The following TBXAS1 variants were observed in gnomAD, a reference collection of about 807,000 sequenced individuals.
TBXAS1 encodes the protein thromboxane A synthase 1, also known as thromboxane-A synthase.
Under a neutral mutation model 60.7 loss-of-function variants are expected in TBXAS1, and 48 were observed. The ratio of observed to expected loss-of-function variants is 0.79; its 90% CI spans 0.63 to 1.01. The LOEUF (loss-of-function observed/expected upper bound fraction) is 1.01. Among genes scored for constraint, TBXAS1 ranks in the 50% least tolerant of loss-of-function variants. TBXAS1 has a pLI of 0.00. For missense variants in TBXAS1, 685 were observed against 686.3 expected (o/e 1.00, Z 0.02); for synonymous variants, 287 against 269.7 (o/e 1.06, Z -0.63).
intron 1 of TBXAS1, among the ~76,000 whole-genome samples, chr7:139,844,874 A>T (rs1799696670): frequency 1.3e-5 from 2 of 152,008 alleles, no homozygotes; most frequent in South Asian, 4.2e-4. Context: ...GGACAGACAC[A>T]CCTCTTTCCC....
intron 4 of TBXAS1, among the ~76,000 whole-genome samples, chr7:139,818,073 C>T (rs1798197401): frequency 6.6e-6 from 1 of 152,232 alleles, no homozygotes; most frequent in African/African-American, 2.4e-5. Flanking sequence ...TATAACTCTT[C>T]TTCTCAAAAA....
intron 1 of TBXAS1, among the ~76,000 whole-genome samples, chr7:139,845,842 T>C (rs41710): frequency 7.5e-6 from 1 of 133,480 alleles, no homozygotes; most frequent in Non-Finnish European, 1.6e-5. Flanking sequence ...TTTTTTTTTT[T>C]AGACAGGGTC....
At chr7:139,885,490 C>T (rs1394729323) in intron 3 of TBXAS1, among the ~76,000 whole-genome samples, 1 of 152,220 alleles carries the variant, frequency 6.6e-6, no homozygotes. Flanking sequence ...CCAGAAAGCA[C>T]ATGGCTGTAT....
At chr7:139,781,781 G>A (rs1467507986) in intron 2 of TBXAS1, among the ~76,000 whole-genome samples, 3 of 131,454 alleles carry the variant, frequency 2.3e-5, no homozygotes, top group Non-Finnish European at 4.5e-5. Context: ...GTTGCAGTGA[G>A]CCGAGTTCTA....
At chr7:139,931,505 G>T (rs1006785644) in intron 4 of TBXAS1, among the ~76,000 whole-genome samples, 2 of 152,188 alleles carry the variant, frequency 1.3e-5, no homozygotes, top group Non-Finnish European at 2.9e-5. Context: ...ACAAAAGAAA[G>T]GGGTAATGGA....
At position 139,935,113 on chromosome 7, in the gene TBXAS1, C is replaced by T. The variant is rs185080016; in HGVS notation, c.334-1078C>T. Among the ~76,000 whole-genome samples, 77 of 152,376 alleles carry T rather than the reference C, an allele frequency of 5.1e-4. No individual in the cohort carries two copies. In the Middle Eastern group the frequency reaches 0.024, roughly 47 times the overall value. ...ATAGGCGTGAGCCACCACTCTCAGCCTTAATTACCTCTTCAAAGACCTTAT... is the reference window on the plus strand; with the variant it reads ...ATAGGCGTGAGCCACCACTCTCAGCTTTAATTACCTCTTCAAAGACCTTAT... On this transcript the variant is annotated intron_variant, in intron 4 of 12. Coordinates refer to ENST00000448866, the MANE Select transcript of TBXAS1 (RefSeq NM_001061.7).
intron 4 of TBXAS1, among the ~76,000 whole-genome samples, chr7:139,796,655 A>G (rs953956951): frequency 7.2e-5 from 11 of 152,274 alleles, no homozygotes; most frequent in African/African-American, 2.7e-4. Context: ...ATGATAACAT[A>G]TCAATATTGG....
chr7:139,952,786 G>A, intron 5 of TBXAS1: 1 of 1,265,212 alleles, frequency 7.9e-7, no homozygotes, highest in Non-Finnish European at 1.0e-6. Context: ...TTGAAGTCAA[G>A]GTTTTCCCAG....
At chr7:140,003,494 C>T (rs1233117083) in intron 9 of TBXAS1, among the ~76,000 whole-genome samples, 5 of 152,192 alleles carry the variant, frequency 3.3e-5, no homozygotes, top group African/African-American at 1.2e-4. Context: ...CGTGAGCCAC[C>T]GCACCTGGCC....
intron 2 of TBXAS1, among the ~76,000 whole-genome samples, chr7:139,781,518 G>T (rs545849485): frequency 6.6e-6 from 1 of 152,152 alleles, no homozygotes; most frequent in African/African-American, 2.4e-5. Context: ...GCATGCTATT[G>T]AGAGGCCCAC....
At chr7:139,863,524 T>C (rs1161074325) in intron 1 of TBXAS1, among the ~76,000 whole-genome samples, 1 of 152,224 alleles carries the variant, frequency 6.6e-6, no homozygotes, top group African/African-American at 2.4e-5. Context: ...GAGGTTTGCA[T>C]GTGTACATCT....
At chr7:139,889,966 G>A (rs1223082499) in intron 3 of TBXAS1, among the ~76,000 whole-genome samples, 4 of 152,178 alleles carry the variant, frequency 2.6e-5, no homozygotes, top group Non-Finnish European at 5.9e-5. Flanking sequence ...CATTAGGAAG[G>A]AGAGAGGAAT....
chr7:139,878,914 T>TG (rs2116856522), intron 3 of TBXAS1, among the ~76,000 whole-genome samples: 1 of 152,226 alleles, frequency 6.6e-6, no homozygotes, highest in African/African-American at 2.4e-5. Flanking sequence ...AGAGATGTAT[T>TG]GGGCCTTTAG....
intron 1 of TBXAS1, among the ~76,000 whole-genome samples, chr7:139,839,753 G>A (rs1200850469): frequency 6.6e-6 from 1 of 151,474 alleles, no homozygotes; most frequent in Non-Finnish European, 1.5e-5. Flanking sequence ...CTACTTGGGA[G>A]GCTGAGGTCG....
At chr7:139,882,151 T>C (rs1268610936) in intron 3 of TBXAS1, among the ~76,000 whole-genome samples, 1 of 152,228 alleles carries the variant, frequency 6.6e-6, no homozygotes. Flanking sequence ...TGGTTTACTT[T>C]AATACTGGCA....
At chr7:139,910,510 G>A (rs1362474049) in intron 3 of TBXAS1, among the ~76,000 whole-genome samples, 13 of 152,094 alleles carry the variant, frequency 8.5e-5, no homozygotes, top group African/African-American at 2.7e-4. Context: ...GGTGATGGGC[G>A]CCTGTAATCC....
At chr7:139,984,642 GAAAGAA>G (rs753973346) in intron 9 of TBXAS1, among the ~76,000 whole-genome samples, 2 of 72,548 alleles carry the variant, frequency 2.8e-5, no homozygotes, top group African/African-American at 1.3e-4. Context: ...GAGAGAGAGA[GAAAGAA>G]AGAAAGGGAA....
chr7:139,784,115 GCCTT>G (rs1400947340), intron 3 of TBXAS1, among the ~76,000 whole-genome samples: 2 of 142,956 alleles, frequency 1.4e-5, no homozygotes, highest in Non-Finnish European at 3.0e-5. Flanking sequence ...CTCCTAGCCT[GCCTT>G]CCTGCCTTCC....
chr7:139,869,753 T>C (rs1801686285), intron 1 of TBXAS1, among the ~76,000 whole-genome samples: 1 of 152,176 alleles, frequency 6.6e-6, no homozygotes, highest in Non-Finnish European at 1.5e-5. Flanking sequence ...ATTCTGAGAT[T>C]AGGACTTCTG....
Sources: gnomAD v4.1 joint callset for allele counts (sites outside exome capture counted in the v4.1 genomes callset) on GRCh38, gnomAD v4.1.1 for gene constraint, MANE v1.5 for transcripts, NCBI Gene and HGNC (gene_info 2026-07-23, HGNC 2026-07-21) for gene names.